TRAM2: variants seen among roughly 807,000 people sequenced by gnomAD.
The protein encoded by TRAM2 is translocating chain-associated membrane protein 2.
A neutral mutation model predicts 51.0 loss-of-function variants in TRAM2; 12 were observed. The observed-to-expected ratio is 0.24, with a 90% CI of 0.15 to 0.38. TRAM2 has a LOEUF of 0.38. Among genes scored for constraint, TRAM2 ranks in the 10% least tolerant of loss-of-function variants. TRAM2 has a pLI of 1.00. For missense variants in TRAM2, 361 were observed against 462.0 expected (o/e 0.78, Z 2.00); for synonymous variants, 175 against 179.4 (o/e 0.98, Z 0.20).
rs963853014 is a variant in TRAM2, at chr6:52,516,279, T to C, written c.295-157A>G. On this transcript the variant is annotated intron_variant, in intron 3 of 10. Coordinates refer to ENST00000182527, the MANE Select transcript of TRAM2 (RefSeq NM_012288.4). ...ATTTGGTGTAAGCCTACTGCGTGCATACAGTGCTTGGTCTAAGGCAAGCAT... is the reference window on the plus strand; with the variant it reads ...ATTTGGTGTAAGCCTACTGCGTGCACACAGTGCTTGGTCTAAGGCAAGCAT... 56 of 682,774 alleles carry C rather than the reference T, an allele frequency of 8.2e-5. No homozygotes were observed. In the African/African-American group the frequency reaches 8.9e-4, roughly 11 times the overall value. The allele number at this position is 682,774 out of a possible 1,614,324, so 42.3% of individuals were successfully genotyped here. A position where few individuals can be genotyped will look rare whatever the true frequency, so the allele number is the denominator to read the frequency against.
intron 1 of TRAM2, among the ~76,000 whole-genome samples, chr6:52,546,366 C>T (rs1767200467): frequency 6.6e-6 from 1 of 152,180 alleles, no homozygotes; most frequent in South Asian, 2.1e-4. Context: ...TGATGGTTTT[C>T]AAGCAGGGGA....
intron 4 of TRAM2, among the ~76,000 whole-genome samples, chr6:52,514,732 C>T (rs985334534): frequency 2.6e-5 from 4 of 152,180 alleles, no homozygotes; most frequent in African/African-American, 7.2e-5. Context: ...TCCTGAACGG[C>T]GTCTTTGGTA....
intron 1 of TRAM2, among the ~76,000 whole-genome samples, chr6:52,557,811 T>C (rs1020680649): frequency 3.9e-5 from 6 of 152,276 alleles, no homozygotes; most frequent in East Asian, 1.9e-4. Context: ...CAAAATCAAA[T>C]GTGACCTGGA....
rs113569025 is a variant in TRAM2, at chr6:52,500,964, T to C, written c.*2233A>G. ...AGCACCTAGGATGGGTGTTCTCTAA[T>C]GGGGGAGGAAGGTGGGCTTAGGAGG... is the stretch of plus-strand genomic sequence containing the variant. On this transcript the variant is annotated 3_prime_UTR_variant, in exon 11 of 11. Coordinates refer to ENST00000182527, the MANE Select transcript of TRAM2 (RefSeq NM_012288.4). The C allele has an allele frequency of 2.2e-4, 33 of 152,178 alleles. No individual in the cohort carries two copies. The highest frequency in any genetic ancestry group is 7.7e-4 in the African/African-American group (32 of 41,424). 9.4% of individuals were successfully genotyped at this position (152,178 alleles called of 1,614,324 possible).
At chr6:52,534,579 G>T (rs1467414648) in intron 2 of TRAM2, among the ~76,000 whole-genome samples, 6 of 152,196 alleles carry the variant, frequency 3.9e-5, no homozygotes, top group Non-Finnish European at 7.3e-5. Context: ...TCAGCCTTCA[G>T]ATGTGTTGGT....
Position 52,515,727 on chromosome 6 carries a change from G to T in TRAM2, c.411+279C>A, listed in dbSNP as rs574889213. On this transcript the variant is annotated intron_variant, in intron 4 of 10. Coordinates refer to ENST00000182527, the MANE Select transcript of TRAM2 (RefSeq NM_012288.4). ...CAATACAGTATTATGTAGATACATGGTATCATTACTGCAGTATTGCATAAT... is the reference window on the plus strand; with the variant it reads ...CAATACAGTATTATGTAGATACATGTTATCATTACTGCAGTATTGCATAAT... Among the ~76,000 whole-genome samples the T allele has an allele frequency of 2.6e-5, 4 of 152,314 alleles. No individual in the cohort carries two copies. In the South Asian group the frequency reaches 8.3e-4, roughly 32 times the overall value.
intron 1 of TRAM2, among the ~76,000 whole-genome samples, chr6:52,576,072 C>T (rs540901200): frequency 1.3e-5 from 2 of 152,184 alleles, no homozygotes; most frequent in African/African-American, 2.4e-5. Flanking sequence ...ATCAACTTTC[C>T]CCAAAAAGTG....
In TRAM2 at chr6:52,538,267, C is replaced by T. The variant is rs76673752; in HGVS notation, c.121-2421G>A. ...CAAGAAATGCACATGTCTTTTAGAG[C>T]ACAGGGTGGAGACCTCTGTGGGGCT... On this transcript the variant is annotated intron_variant, in intron 1 of 10. Coordinates refer to ENST00000182527, the MANE Select transcript of TRAM2 (RefSeq NM_012288.4). Among the ~76,000 whole-genome samples, 1,392 of 152,326 alleles carry T rather than the reference C, an allele frequency of 9.1e-3. 24 individuals are homozygous for T. The highest frequency in any genetic ancestry group is 0.032 in the African/African-American group (1,311 of 41,572).
At chr6:52,566,297 A>C (rs976508371) in intron 1 of TRAM2, among the ~76,000 whole-genome samples, 3 of 152,024 alleles carry the variant, frequency 2.0e-5, no homozygotes, top group Non-Finnish European at 4.4e-5. Flanking sequence ...TGTCACATGA[A>C]ACATATGAGA....
Position 52,528,664 on chromosome 6 carries a change from C to A in TRAM2, c.184+7119G>T, listed in dbSNP as rs569208104. On this transcript the variant is annotated intron_variant, in intron 2 of 10. Coordinates refer to ENST00000182527, the MANE Select transcript of TRAM2 (RefSeq NM_012288.4). Reference sequence around the variant, plus strand: ...AGGTTCTCAGGCCTTTCATCTCTGGCTGCAAAATGCAACAGAGCAGATGGT... The same window carrying A: ...AGGTTCTCAGGCCTTTCATCTCTGGATGCAAAATGCAACAGAGCAGATGGT... 7.2e-5 allele frequency among the ~76,000 whole-genome samples: 11 copies of A among 152,298 alleles called. No individual in the cohort carries two copies. In the South Asian group the frequency reaches 2.3e-3, roughly 32 times the overall value.
rs1766339061 is a variant in TRAM2, at chr6:52,505,900, AAAT to A, written c.731+129_731+131del. The A allele has an allele frequency of 1.8e-5, 25 of 1,396,582 alleles. No individual in the cohort carries two copies. In the South Asian group the frequency reaches 3.2e-4, roughly 18 times the overall value. 86.5% of individuals were successfully genotyped at this position (1,396,582 alleles called of 1,614,324 possible). ...ATCTAAAATCAGATGTTCCAGAAAA[AAAT>A]AACGGGAGGGCACCACCTGCAGGTA... is the stretch of plus-strand genomic sequence containing the variant. On this transcript the variant is annotated intron_variant, in intron 8 of 10. Coordinates refer to ENST00000182527, the MANE Select transcript of TRAM2 (RefSeq NM_012288.4).
At chr6:52,507,860 G>C (rs1412037003) in intron 6 of TRAM2, among the ~76,000 whole-genome samples, 3 of 152,204 alleles carry the variant, frequency 2.0e-5, no homozygotes, top group Non-Finnish European at 2.9e-5. Context: ...GTGAGGTTTG[G>C]ATTGAGAAAT....
At chr6:52,509,716 GA>G in intron 4 of TRAM2, 130 bp from the exon 5 acceptor site, 1 of 772,114 alleles carries the variant, frequency 1.3e-6, no homozygotes, top group Non-Finnish European at 2.1e-6. Flanking sequence ...CAGGAAATGT[GA>G]AAACAGAGAA....
At chr6:52,521,683 CGA>C (rs1205267252) in intron 2 of TRAM2, among the ~76,000 whole-genome samples, 3 of 150,054 alleles carry the variant, frequency 2.0e-5, no homozygotes, top group South Asian at 2.1e-4. Context: ...GGAGACAGAG[CGA>C]GAGACTCCAT....
intron 1 of TRAM2, among the ~76,000 whole-genome samples, chr6:52,561,098 C>G (rs1209238468): frequency 6.6e-6 from 1 of 152,124 alleles, no homozygotes; most frequent in Non-Finnish European, 1.5e-5. Flanking sequence ...TAGATGAACC[C>G]TGAAAACATG....
chr6:52,526,849 A>AAGTCTCATCCTAGAAGAGGC (rs1766790356), intron 2 of TRAM2, among the ~76,000 whole-genome samples: 1 of 152,246 alleles, frequency 6.6e-6, no homozygotes, highest in African/African-American at 2.4e-5. Flanking sequence ...TCGCCTGGGC[A>AAGTCTCATCCTAGAAGAGGC]TGACACATGC....
intron 1 of TRAM2, among the ~76,000 whole-genome samples, chr6:52,555,714 G>C (rs921505243): frequency 2.6e-5 from 4 of 152,092 alleles, no homozygotes; most frequent in African/African-American, 9.7e-5. Context: ...TAGGCATTTA[G>C]GACAACCTCA....
intron 1 of TRAM2, among the ~76,000 whole-genome samples, chr6:52,565,918 A>T (rs938519531): frequency 6.6e-6 from 1 of 152,228 alleles, no homozygotes; most frequent in African/African-American, 2.4e-5. Context: ...GAACACTGGA[A>T]CAAAACCAGT....
chr6:52,518,461 A>G (rs1243410389), intron 2 of TRAM2, among the ~76,000 whole-genome samples: 4 of 152,192 alleles, frequency 2.6e-5, no homozygotes, highest in Non-Finnish European at 5.9e-5. Context: ...CAGGAAAATG[A>G]TGACATTTGC....
Sources: allele counts gnomAD v4.1 joint callset (sites outside exome capture counted in the v4.1 genomes callset), GRCh38; gene constraint gnomAD v4.1.1; transcripts MANE v1.5; gene names NCBI Gene and HGNC (gene_info 2026-07-23, HGNC 2026-07-21).